Variants in ANKS1B observed in about 807,000 individuals in gnomAD.
ANKS1B encodes the protein ankyrin repeat and sterile alpha motif domain-containing protein 1B.
Under a neutral mutation model 148.3 loss-of-function variants are expected in ANKS1B, and 36 were observed. The observed-to-expected ratio is 0.24, with a 90% CI of 0.19 to 0.32. The LOEUF is 0.32. Among genes scored for constraint, ANKS1B ranks in the 10% least tolerant of loss-of-function variants. ANKS1B has a pLI of 1.00. For synonymous variants in ANKS1B, 542 were observed against 560.8 expected (o/e 0.97, Z 0.47); for missense variants, 1,157 against 1,542.6 (o/e 0.75, Z 4.19).
intron 2 of ANKS1B, among the ~76,000 whole-genome samples, chr12:99,815,944 CAT>C (rs369479309): frequency 1.9e-3 from 290 of 151,940 alleles, no homozygotes; most frequent in African/African-American, 6.7e-3. Context: ...CTACTATACA[CAT>C]GTGTGCATGT....
intron 14 of ANKS1B, among the ~76,000 whole-genome samples, chr12:99,220,405 A>T (rs1398045433): frequency 1.3e-5 from 2 of 152,064 alleles, no homozygotes; most frequent in African/African-American, 4.8e-5. Flanking sequence ...TAAGTAAAAA[A>T]CAAAATATAA....
At chr12:99,308,987 G>T (rs2082751385) in intron 12 of ANKS1B, among the ~76,000 whole-genome samples, 1 of 150,620 alleles carries the variant, frequency 6.6e-6, no homozygotes, top group Non-Finnish European at 1.5e-5. Flanking sequence ...GTATGTAATA[G>T]ATGTGTATAC....
chr12:99,155,305 T>C (rs946066985), intron 14 of ANKS1B, among the ~76,000 whole-genome samples: 9 of 152,196 alleles, frequency 5.9e-5, no homozygotes, highest in African/African-American at 1.7e-4. Context: ...TTTACCATGC[T>C]ATAGCAAAAT....
At chr12:99,026,479 C>G (rs933986790) in intron 17 of ANKS1B, among the ~76,000 whole-genome samples, 1 of 152,134 alleles carries the variant, frequency 6.6e-6, no homozygotes, top group Non-Finnish European at 1.5e-5. Context: ...ACATCAGCCT[C>G]TAGATTACCT....
intron 12 of ANKS1B, among the ~76,000 whole-genome samples, chr12:99,253,932 G>T (rs1022485086): frequency 1.3e-5 from 2 of 152,086 alleles, no homozygotes; most frequent in Admixed American, 6.6e-5. Context: ...AATTATATAG[G>T]AATATCAGAA....
At chr12:99,248,159 T>C (rs1368402361) in intron 12 of ANKS1B, among the ~76,000 whole-genome samples, 2 of 152,206 alleles carry the variant, frequency 1.3e-5, no homozygotes, top group Non-Finnish European at 2.9e-5. Flanking sequence ...TTCTCACATT[T>C]TTAAGAAATT....
chr12:99,808,619 T>G (rs1262993306), intron 3 of ANKS1B, among the ~76,000 whole-genome samples: 1 of 152,170 alleles, frequency 6.6e-6, no homozygotes, highest in Non-Finnish European at 1.5e-5. Flanking sequence ...CTCCCTGGTC[T>G]TCTTATCTGT....
At chr12:99,148,882 T>G (rs1381737492) in intron 15 of ANKS1B, among the ~76,000 whole-genome samples, 2 of 152,136 alleles carry the variant, frequency 1.3e-5, no homozygotes, top group Non-Finnish European at 2.9e-5. Flanking sequence ...AACTATTGGC[T>G]TAAATTATTT....
At chr12:99,228,809 TAAA>T (rs1377512584) in intron 14 of ANKS1B, among the ~76,000 whole-genome samples, 3 of 151,954 alleles carry the variant, frequency 2.0e-5, no homozygotes, top group Non-Finnish European at 4.4e-5. Context: ...TCAAAACTGA[TAAA>T]AAGATGTAAT....
At chr12:99,745,567 T>C (rs1162121703) in intron 8 of ANKS1B, among the ~76,000 whole-genome samples, 1 of 152,192 alleles carries the variant, frequency 6.6e-6, no homozygotes, top group Non-Finnish European at 1.5e-5. Flanking sequence ...TTTTCTATCT[T>C]ATCACTTGGG....
At chr12:99,413,625 GAA>G (rs2094793923) in intron 11 of ANKS1B, among the ~76,000 whole-genome samples, 1 of 152,128 alleles carries the variant, frequency 6.6e-6, no homozygotes, top group South Asian at 2.1e-4. Context: ...TTTTATAAGA[GAA>G]AGGCAGAAAA....
chr12:99,560,328 GT>G (rs536456750), intron 9 of ANKS1B, among the ~76,000 whole-genome samples: 4 of 150,198 alleles, frequency 2.7e-5, no homozygotes, highest in Non-Finnish European at 4.4e-5. Context: ...TAGATATGTT[GT>G]TTTTTTTCAC....
chr12:99,722,743 G>A (rs1348911539), intron 8 of ANKS1B, among the ~76,000 whole-genome samples: 1 of 152,200 alleles, frequency 6.6e-6, no homozygotes, highest in Non-Finnish European at 1.5e-5. Flanking sequence ...TGGCCAACTA[G>A]CCAACAAGAA....
chr12:98,792,920 A>G (rs1407569157), intron 22 of ANKS1B, among the ~76,000 whole-genome samples: 2 of 152,222 alleles, frequency 1.3e-5, no homozygotes, highest in African/African-American at 4.8e-5. Context: ...GAATAGTGCT[A>G]GAGTAAACAT....
chr12:99,474,435 G>A (rs1011956905), intron 10 of ANKS1B, among the ~76,000 whole-genome samples: 2 of 151,966 alleles, frequency 1.3e-5, no homozygotes, highest in Admixed American at 6.6e-5. Flanking sequence ...ATAAAATCAA[G>A]TATATCAGTG....
chr12:99,890,952 C>G lies in ANKS1B; in HGVS notation c.135-65563G>C, dbSNP rs146269041. On this transcript the variant is annotated intron_variant, in intron 1 of 26. Coordinates refer to ENST00000683438, the MANE Select transcript of ANKS1B (RefSeq NM_001352186.2). ...GGGGAAACCTATAGATTTAAAAATA[C>G]AGTGCCCACCATAGGAAACCATTCT... 3.0e-3 allele frequency among the ~76,000 whole-genome samples: 455 copies of G among 152,276 alleles called. 1 individual carries two copies. Among genetic ancestry groups the G allele is most frequent in the African/African-American group, 0.01 (426 of 41,562 alleles).
At chr12:99,892,844 A>G (rs1366722015) in intron 1 of ANKS1B, among the ~76,000 whole-genome samples, 1 of 152,180 alleles carries the variant, frequency 6.6e-6, no homozygotes. Flanking sequence ...AAAATAAGTA[A>G]AAGTCTACAG....
At chr12:99,883,620 G>GGT (rs2092663135) in intron 1 of ANKS1B, among the ~76,000 whole-genome samples, 1 of 150,224 alleles carries the variant, frequency 6.7e-6, no homozygotes, top group Non-Finnish European at 1.5e-5. Flanking sequence ...TTGGGGCAGG[G>GGT]GGGAATCTGC....
intron 9 of ANKS1B, among the ~76,000 whole-genome samples, chr12:99,598,366 C>T (rs1175678934): frequency 6.6e-6 from 1 of 152,028 alleles, no homozygotes; most frequent in Non-Finnish European, 1.5e-5. Flanking sequence ...TTATTGAACA[C>T]ATTCTATTTG....
Sources: allele counts gnomAD v4.1 joint callset (sites outside exome capture counted in the v4.1 genomes callset), GRCh38; gene constraint gnomAD v4.1.1; transcripts MANE v1.5; gene names NCBI Gene and HGNC (gene_info 2026-07-23, HGNC 2026-07-21).